The following PRMT8 variants were observed in gnomAD, a reference collection of about 807,000 sequenced individuals.
PRMT8 encodes the protein protein arginine methyltransferase 8, also known as protein arginine N-methyltransferase 8.
PRMT8 carries 7 observed loss-of-function variants against 47.1 expected under a neutral mutation model. The ratio of observed to expected loss-of-function variants is 0.15; its 90% CI spans 0.08 to 0.28. The LOEUF (loss-of-function observed/expected upper bound fraction) is 0.28, where lower values mean the gene tolerates loss of function less well. PRMT8 is among the 10% of genes least tolerant of loss of function. PRMT8 has a pLI of 1.00. For synonymous variants in PRMT8, 188 were observed against 186.5 expected, an observed-to-expected ratio of 1.01 and a Z score of -0.07; for missense variants, 237 against 505.4, an observed-to-expected ratio of 0.47 and a Z score of 5.09.
At chr12:3,579,569 TCTGTGTTC>T (rs1867013758) in intron 7 of PRMT8, among the ~76,000 whole-genome samples, 1 of 152,174 alleles carries the variant, frequency 6.6e-6, no homozygotes, top group Non-Finnish European at 1.5e-5. Flanking sequence ...CCTTTCTTCC[TCTGTGTTC>T]CTGAGAAGGA....
chr12:3,559,077 C>T (rs1231195960), intron 4 of PRMT8, among the ~76,000 whole-genome samples: 31 of 152,092 alleles, frequency 2.0e-4, no homozygotes, highest in Admixed American at 2.0e-3. Flanking sequence ...AGACAGCCAG[C>T]GTTCATCCAT....
At chr12:3,565,040 C>G (rs1438945270) in intron 4 of PRMT8, among the ~76,000 whole-genome samples, 4 of 152,150 alleles carry the variant, frequency 2.6e-5, no homozygotes, top group Non-Finnish European at 4.4e-5. Flanking sequence ...TTTGGCTGCA[C>G]AGAAAGAATG....
At chr12:3,546,500 C>A (rs1341161378) in intron 2 of PRMT8, among the ~76,000 whole-genome samples, 1 of 152,098 alleles carries the variant, frequency 6.6e-6, no homozygotes, top group Non-Finnish European at 1.5e-5. Context: ...GCAAGGACCT[C>A]CTGACGATCA....
At chr12:3,560,260 G>A (rs917707821) in intron 4 of PRMT8, among the ~76,000 whole-genome samples, 1 of 152,206 alleles carries the variant, frequency 6.6e-6, no homozygotes, top group Non-Finnish European at 1.5e-5. Context: ...GTGGGTCTCA[G>A]GAGCGTAGGT....
rs144859243 is a variant in PRMT8 at position 3,592,316 on chromosome 12, C to T, written c.1065C>T (p.Tyr355=). Reference sequence around the variant, plus strand: ...CTGTCCGGAGGGGGGAGGAAATCTACGGGACCATATCCATGAAGCCAAATG... The same window carrying T: ...CTGTCCGGAGGGGGGAGGAAATCTATGGGACCATATCCATGAAGCCAAATG... ...YLTVRRGEEI[Y]GTISMKPNAK... The change falls in exon 9 of 10, where the codon TAC becomes TAT. Residue 355 remains tyrosine, a synonymous_variant. Transcript: ENST00000382622. 24 of 1,598,164 alleles carry T rather than the reference C, an allele frequency of 1.5e-5. No homozygotes were observed. The highest frequency in any genetic ancestry group is 1.1e-4 in the South Asian group (10 of 87,700).
Position 3,569,492 on chromosome 12 carries a change from A to T in PRMT8, c.640A>T (p.Met214Leu). The stretch of plus-strand genomic sequence containing the variant: ...TCATCAACAGAAACCTGGAGGGCTT[A>T]TGTTTCCAGACCGGGCAGCTTTGTA... ...RDKWLKPGGL[M>L]FPDRAALYVV... Residue 214 changes from methionine to leucine, a missense_variant, in exon 6 of 10, where the codon ATG (methionine) becomes TTG (leucine). Physicochemically the swap from Met to Leu is conservative, Grantham distance 15 (BLOSUM62 2). Transcript: ENST00000382622. The surrounding 1 kb of genome is among the most constrained non-coding windows in gnomAD (Gnocchi z 8.2). 6.2e-7 allele frequency: 1 copy of T among 1,614,122 alleles called. No individual in the cohort carries two copies. Among genetic ancestry groups the T allele is most frequent in the Non-Finnish European group, 8.5e-7 (1 of 1,179,972 alleles).
At chr12:3,476,286 C>CTTT (rs1420116326) in intron 1 of PRMT8, among the ~76,000 whole-genome samples, 1 of 152,178 alleles carries the variant, frequency 6.6e-6, no homozygotes, top group Non-Finnish European at 1.5e-5. Context: ...CCGCAGAGGT[C>CTTT]TTTAAAACAG....
At position 3,540,745 on chromosome 12, in the gene PRMT8, C is replaced by T. The variant is rs771837570; in HGVS notation, c.215C>T (p.Ser72Leu). Residue 72 changes from serine to leucine, a missense_variant, in exon 2 of 10, where the codon TCG (serine) becomes TTG (leucine). This residue lies in a region of PRMT8 where 32 missense variants were observed against 73.7 expected (regional missense o/e 0.43). Transcript: ENST00000382622. ...CTGCTGAACCCAGAGGAGATGACCT[C>T]GAGAGATTATTACTTCGACTCCTAT... ...SKLLNPEEMTSRDYYFDSYAH... is the reference protein window; with the variant it reads ...SKLLNPEEMTLRDYYFDSYAH... 3 of 1,614,060 alleles carry T rather than the reference C, an allele frequency of 1.9e-6. No individual in the cohort carries two copies. Among genetic ancestry groups the T allele is most frequent in the African/African-American group, 1.3e-5 (1 of 74,996 alleles).
chr12:3,489,807 T>TCA (rs59257723), upstream of PRMT8, among the ~76,000 whole-genome samples: 9,414 of 144,124 alleles, frequency 0.065, 353 homozygotes, highest in Non-Finnish European at 0.084. Context: ...ATTCAAGTTT[T>TCA]CACACACACA....
chr12:3,562,616 T>C (rs1436242705), intron 4 of PRMT8, among the ~76,000 whole-genome samples: 2 of 152,200 alleles, frequency 1.3e-5, no homozygotes, highest in Non-Finnish European at 2.9e-5. Flanking sequence ...CAAGAGCCAA[T>C]TGCGTGCGCT....
intron 1 of PRMT8, among the ~76,000 whole-genome samples, chr12:3,530,317 C>T (rs1277651386): frequency 1.3e-5 from 2 of 152,202 alleles, no homozygotes; most frequent in Admixed American, 6.5e-5. Context: ...ACCATTATCA[C>T]ATCTTTCTTA....
At position 3,492,277 on chromosome 12, in the gene PRMT8, C is replaced by T. The variant is rs1865429978; in HGVS notation, c.75+577C>T. On this transcript the variant is annotated intron_variant, in intron 1 of 9. Coordinates refer to ENST00000382622, the MANE Select transcript of PRMT8 (RefSeq NM_019854.5). This position sits in a 1 kb window ranked among gnomAD's most constrained non-coding sequence, Gnocchi z 7.5. ...GACTCGGGCACCTCCTACAGACCCT[C>T]CGGCCCAGATCTGGGCCAGAGAGAA... Among the ~76,000 whole-genome samples the T allele has an allele frequency of 6.6e-6, 1 of 152,082 alleles. No individual in the cohort carries two copies. Among genetic ancestry groups the T allele is most frequent in the Admixed American group, 6.5e-5 (1 of 15,272 alleles).
At chr12:3,467,587 A>G (rs1489057247) in intron 1 of PRMT8, among the ~76,000 whole-genome samples, 1 of 152,166 alleles carries the variant, frequency 6.6e-6, no homozygotes, top group Non-Finnish European at 1.5e-5. Flanking sequence ...TGGTCTGAGG[A>G]GAGCTCCTGA....
chr12:3,540,613 G>GGCCCCCCCCCCCCCCCCCCCC lies in PRMT8; in HGVS notation c.83_84insGCCCCCCCCCCCCCCCCCCCC (p.Ser28delinsArgProProProProProProPro). The GGCCCCCCCCCCCCCCCCCCCC allele has an allele frequency of 8.8e-7, 1 of 1,130,522 alleles. No individual in the cohort carries two copies. The highest frequency in any genetic ancestry group is 1.3e-6 in the Non-Finnish European group (1 of 752,492). 70.0% of individuals were successfully genotyped at this position (1,130,522 alleles called of 1,614,324 possible). ...CCCTTCTCTTCCCCTCAGGTGAACA[G>GGCCCCCCCCCCCCCCCCCCCC]CCCCCCCTCCCAGCCCCCCCAGCCC... On this transcript the variant is annotated protein_altering_variant, in exon 2 of 10. Transcript: ENST00000382622.
intron 1 of PRMT8, among the ~76,000 whole-genome samples, chr12:3,434,880 CT>C (rs34789262): frequency 0.11 from 17,004 of 151,330 alleles, 1,530 homozygotes; most frequent in African/African-American, 0.26. Flanking sequence ...TGCTTGACTG[CT>C]TGTGGCTCCA....
At chr12:3,459,285 T>G (rs1865010794) in intron 1 of PRMT8, among the ~76,000 whole-genome samples, 1 of 152,152 alleles carries the variant, frequency 6.6e-6, no homozygotes, top group African/African-American at 2.4e-5. Context: ...AGATGGGCCC[T>G]GTCCCCCTTC....
chr12:3,541,143 TCAAATGCTG>T (rs1866222660), intron 2 of PRMT8, among the ~76,000 whole-genome samples: 1 of 152,178 alleles, frequency 6.6e-6, no homozygotes, highest in Admixed American at 6.5e-5. Flanking sequence ...GACCAGGAGC[TCAAATGCTG>T]CAGTCAGAGT....
rs553555136 is a variant in PRMT8 at position 3,567,838 on chromosome 12, C to T, written c.482-868C>T. On this transcript the variant is annotated intron_variant, in intron 4 of 9. Transcript: ENST00000382622. ...CCTGTAATCCCAGCACTTTGGGAGG[C>T]CGAGGCGGGTAGATCACCTGAGGTC... Among the ~76,000 whole-genome samples, 12 of 152,114 alleles carry T rather than the reference C, an allele frequency of 7.9e-5. No homozygotes were observed. The South Asian group carries it at 2.3e-3, about 29-fold the overall frequency.
Position 3,491,372 on chromosome 12 carries a change from G to A in PRMT8, c.-254G>A, listed in dbSNP as rs1039902269. ...CGCAGCGCGGGTGGAGAGGGGCGGG[G>A]AGGGGGTCGGGGGCACGAGAAGAAC... On this transcript the variant is annotated 5_prime_UTR_variant, in exon 1 of 10. Transcript: ENST00000382622. The A allele has an allele frequency of 8.3e-7, 1 of 1,201,090 alleles. No homozygotes were observed. The highest frequency in any genetic ancestry group is 1.0e-6 in the Non-Finnish European group (1 of 966,296). 74.4% of individuals were successfully genotyped at this position (1,201,090 alleles called of 1,614,324 possible). A position where few individuals can be genotyped will look rare whatever the true frequency, so the allele number is the denominator to read the frequency against.
Sources: allele counts gnomAD v4.1 joint callset (sites outside exome capture counted in the v4.1 genomes callset), GRCh38; gene constraint gnomAD v4.1.1; regional missense constraint gnomAD v4.1.1; non-coding constraint Gnocchi (gnomAD v3.1); transcripts MANE v1.5; gene names NCBI Gene and HGNC (gene_info 2026-07-23, HGNC 2026-07-21).